Variants in CLVS1 observed in about 807,000 individuals in gnomAD.
CLVS1 encodes the protein clavesin-1.
Under a neutral mutation model 33.1 loss-of-function variants are expected in CLVS1, and 10 were observed. That is an observed-to-expected ratio of 0.30 (90% confidence interval 0.19 to 0.51). The LOEUF (loss-of-function observed/expected upper bound fraction) is 0.51, where lower values mean the gene tolerates loss of function less well. Among genes scored for constraint, CLVS1 ranks in the 20% least tolerant of loss-of-function variants. The pLI is 0.97. For synonymous variants in CLVS1, 163 were observed against 166.1 expected (o/e 0.98, Z 0.14); for missense variants, 343 against 433.4 (o/e 0.79, Z 1.85).
intron 3 of CLVS1, among the ~76,000 whole-genome samples, chr8:61,444,822 C>A (rs181391554): frequency 4.7e-4 from 72 of 152,232 alleles, no homozygotes; most frequent in Non-Finnish European, 2.9e-5. Flanking sequence ...TTTGGTGGAC[C>A]CTTGTGGGTA....
intron 2 of CLVS1, among the ~76,000 whole-genome samples, chr8:61,144,860 G>A (rs1806383141): frequency 6.6e-6 from 1 of 152,178 alleles, no homozygotes; most frequent in African/African-American, 2.4e-5. Flanking sequence ...CTCCCCAGTA[G>A]CTGGGATTAC....
chr8:61,314,099 G>A (rs558889112), intron 2 of CLVS1, among the ~76,000 whole-genome samples: 7 of 152,280 alleles, frequency 4.6e-5, no homozygotes, highest in East Asian at 1.9e-4. Flanking sequence ...AGGCTTCGAC[G>A]TTACAGAAAT....
At chr8:61,077,537 G>A (rs1804943424) in intron 1 of CLVS1, among the ~76,000 whole-genome samples, 1 of 150,702 alleles carries the variant, frequency 6.6e-6, no homozygotes, top group South Asian at 2.1e-4. Context: ...GCGCAGTGGC[G>A]CGATCTCGGC....
intron 1 of CLVS1, among the ~76,000 whole-genome samples, chr8:61,122,627 A>G (rs908257233): frequency 3.3e-5 from 5 of 151,562 alleles, no homozygotes; most frequent in Non-Finnish European, 7.4e-5. Flanking sequence ...AACAGCAAGC[A>G]AGAAGTGAAA....
rs563978901 is a variant in CLVS1, at chr8:61,267,495, T to C, written c.-151-32182T>C. Among the ~76,000 whole-genome samples, 4 of 152,322 alleles carry C rather than the reference T, an allele frequency of 2.6e-5. No homozygotes were observed. The East Asian group carries it at 7.7e-4, about 29-fold the overall frequency. On this transcript the variant is annotated intron_variant, in intron 2 of 2. Coordinates refer to the CLVS1 transcript ENST00000522621. ...TTTTCTTTGTTTTATATCAGTCACA[T>C]TTAGCCTCTGTTTTTTGAGCATGGA...
chr8:61,016,965 C>T, the CLVS1 span, among the ~76,000 whole-genome samples: 4 of 152,200 alleles, frequency 2.6e-5, no homozygotes, highest in African/African-American at 9.7e-5. Flanking sequence ...AATGAGATCT[C>T]CCTTACGGCA....
At chr8:61,480,436 G>A (rs902779657) in intron 5 of CLVS1, among the ~76,000 whole-genome samples, 35 of 152,324 alleles carry the variant, frequency 2.3e-4, no homozygotes, top group African/African-American at 6.5e-4. Context: ...TTGGAAAAGC[G>A]CAGTATTAGG....
In CLVS1 at chr8:61,143,731, C is replaced by T. The variant is rs1806357096; in HGVS notation, c.-152+11871C>T. On this transcript the variant is annotated intron_variant, in intron 2 of 2. Coordinates refer to the CLVS1 transcript ENST00000522621. ...TATGCTGGATCTTCTTTGCTGTGCT[C>T]TTATTTAAATTCATATATATAATAT... Among the ~76,000 whole-genome samples the T allele has an allele frequency of 2.0e-5, 3 of 147,934 alleles. No individual in the cohort carries two copies. In the South Asian group the frequency reaches 6.3e-4, roughly 31 times the overall value.
intron 2 of CLVS1, among the ~76,000 whole-genome samples, chr8:61,254,921 A>G (rs943205750): frequency 6.6e-6 from 1 of 151,848 alleles, no homozygotes; most frequent in African/African-American, 2.4e-5. Flanking sequence ...CACTGCACCC[A>G]CTCTCCGACA....
At chr8:61,029,899 C>T in the CLVS1 span, among the ~76,000 whole-genome samples, 533 of 152,292 alleles carry the variant, frequency 3.5e-3, 3 homozygotes, top group African/African-American at 0.012. Flanking sequence ...AGCTCCTACA[C>T]GTTGCGTCAG....
chr8:61,033,047 AAAAG>A, the CLVS1 span, among the ~76,000 whole-genome samples: 13 of 77,938 alleles, frequency 1.7e-4, no homozygotes, highest in Non-Finnish European at 2.5e-4. Flanking sequence ...GAAAGAAAGA[AAAAG>A]AAAGAAAGAT....
the CLVS1 span, among the ~76,000 whole-genome samples, chr8:61,047,974 T>TA: frequency 6.6e-6 from 1 of 152,218 alleles, no homozygotes; most frequent in East Asian, 1.9e-4. Flanking sequence ...CATCATCCAT[T>TA]AATGACACAC....
intron 1 of CLVS1, among the ~76,000 whole-genome samples, chr8:61,097,966 G>A (rs1054318063): frequency 1.4e-4 from 21 of 152,142 alleles, no homozygotes; most frequent in Admixed American, 1.4e-3. Flanking sequence ...GCCAGCCTGG[G>A]CAACATTGTG....
the CLVS1 span, among the ~76,000 whole-genome samples, chr8:61,035,038 ATTAT>A: frequency 6.6e-6 from 1 of 152,186 alleles, no homozygotes; most frequent in Non-Finnish European, 1.5e-5. Flanking sequence ...GAATATCTGT[ATTAT>A]TCAAAAATTA....
chr8:61,461,930 T>C (rs1208915173), intron 5 of CLVS1, among the ~76,000 whole-genome samples: 1 of 152,242 alleles, frequency 6.6e-6, no homozygotes, highest in Non-Finnish European at 1.5e-5. Flanking sequence ...AAACGCCATG[T>C]CATTTTGTTT....
chr8:61,075,052 G>C (rs1375074962), intron 1 of CLVS1, among the ~76,000 whole-genome samples: 1 of 151,998 alleles, frequency 6.6e-6, no homozygotes, highest in African/African-American at 2.4e-5. Context: ...CTATGATCCT[G>C]CTCTAATCTT....
chr8:61,233,358 G>A (rs757908772), intron 2 of CLVS1, among the ~76,000 whole-genome samples: 4 of 152,070 alleles, frequency 2.6e-5, no homozygotes, highest in Non-Finnish European at 4.4e-5. Flanking sequence ...ATTCAGTGAG[G>A]TACAAACAGG....
At chr8:61,330,519 G>T (rs1402192915) in intron 2 of CLVS1, among the ~76,000 whole-genome samples, 1 of 152,172 alleles carries the variant, frequency 6.6e-6, no homozygotes, top group South Asian at 2.1e-4. Context: ...CAGTGTGTGT[G>T]CACTAAAGAT....
intron 2 of CLVS1, among the ~76,000 whole-genome samples, chr8:61,308,536 G>T (rs1403498405): frequency 6.6e-6 from 1 of 152,104 alleles, no homozygotes; most frequent in Admixed American, 6.5e-5. Flanking sequence ...TCAGCAGGGG[G>T]AGCTGCTCAA....
Sources: gnomAD v4.1 joint callset for allele counts (sites outside exome capture counted in the v4.1 genomes callset) on GRCh38, gnomAD v4.1.1 for gene constraint, MANE v1.5 for transcripts, NCBI Gene and HGNC (gene_info 2026-07-23, HGNC 2026-07-21) for gene names.